Variants in EIF2D observed in about 807,000 individuals in gnomAD.
EIF2D encodes the protein eukaryotic translation initiation factor 2D, also known as hepatocellular carcinoma-associated antigen 56.
In EIF2D, 56 loss-of-function variants were observed where a neutral mutation model predicts 77.4. That is an observed-to-expected ratio of 0.72 (90% CI 0.58 to 0.90). The LOEUF (loss-of-function observed/expected upper bound fraction) is 0.90. EIF2D is among the 40% of genes least tolerant of loss of function. The pLI is 0.00. For synonymous variants in EIF2D, 230 were observed against 271.0 expected (o/e 0.85, Z 1.49); for missense variants, 574 against 706.5 (o/e 0.81, Z 2.13).
At position 206,605,562 on chromosome 1, in the gene EIF2D, A is replaced by G. The variant is rs554813749; in HGVS notation, c.423-55T>C. 6.2e-6 allele frequency: 9 copies of G among 1,449,854 alleles called. 1 individual carries two copies. In the Admixed American group the frequency reaches 1.1e-4, roughly 17 times the overall value. 89.8% of individuals were successfully genotyped at this position (1,449,854 alleles called of 1,614,324 possible). ...CATGGAAAATCTATGGGAAGGGCAC[A>G]TGTTAGGATCATCTTCTGACACATG... On this transcript the variant is annotated intron_variant, in intron 4 of 14. Coordinates refer to ENST00000271764, the MANE Select transcript of EIF2D (RefSeq NM_006893.3).
chr1:206,582,720 G>T (rs935551104), intron 2 of EIF2D, among the ~76,000 whole-genome samples: 1 of 152,196 alleles, frequency 6.6e-6, no homozygotes, highest in African/African-American at 2.4e-5. Flanking sequence ...GTGGGGCCTG[G>T]ACTGGTCTCT....
chr1:206,573,943 G>A (rs1160244494), intron 4 of EIF2D, among the ~76,000 whole-genome samples: 5 of 152,276 alleles, frequency 3.3e-5, no homozygotes, highest in East Asian at 1.9e-4. Flanking sequence ...GTGGCCCAGC[G>A]TGCAAGGCAG....
At position 206,584,442 on chromosome 1, in the gene EIF2D, C is replaced by T; in HGVS notation, c.139-3280G>A. ...AAAGTGCATCTGAAACTCCGGCGGCCTGTGACGGTGCCTGCTGGGATCCGG... is the reference window on the plus strand; with the variant it reads ...AAAGTGCATCTGAAACTCCGGCGGCTTGTGACGGTGCCTGCTGGGATCCGG... On this transcript the variant is annotated intron_variant and NMD_transcript_variant, in intron 2 of 5. Transcript: ENST00000472709. This position sits in a 1 kb window ranked among gnomAD's most constrained non-coding sequence, Gnocchi z 4.9. The T allele has an allele frequency of 7.4e-6, 12 of 1,614,164 alleles. No homozygotes were observed. The highest frequency in any genetic ancestry group is 1.0e-5 in the Non-Finnish European group (12 of 1,180,018).
rs532392952 is a variant in EIF2D, at chr1:206,592,821, G to A, written c.1684+798C>T. ...TTAGTAGAAAGAACTTAGGCTTTAG[G>A]CCAGGCATGGTGGCTCAAGCCTGTA... On this transcript the variant is annotated intron_variant, in intron 14 of 14. Coordinates refer to ENST00000271764, the MANE Select transcript of EIF2D (RefSeq NM_006893.3). The surrounding 1 kb of genome is among the most constrained non-coding windows in gnomAD (Gnocchi z 4.7). Among the ~76,000 whole-genome samples the A allele has an allele frequency of 6.6e-6, 1 of 152,304 alleles. No individual in the cohort carries two copies. The highest frequency in any genetic ancestry group is 2.4e-5 in the African/African-American group (1 of 41,568).
chr1:206,606,005 C>G (rs1220755787), intron 4 of EIF2D, among the ~76,000 whole-genome samples: 3 of 152,168 alleles, frequency 2.0e-5, no homozygotes, highest in Non-Finnish European at 2.9e-5. Context: ...TCTAAGTTGA[C>G]TTTATAAGAG....
At chr1:206,575,097 C>T (rs7512541) in intron 4 of EIF2D, among the ~76,000 whole-genome samples, 72,711 of 151,644 alleles carry the variant, frequency 0.48, 18,033 homozygotes, top group Middle Eastern at 0.64. Context: ...AACTCCTAAC[C>T]TCACCTTTGA....
chr1:206,611,578 G>A (rs1396478109), intron 1 of EIF2D, among the ~76,000 whole-genome samples: 6 of 152,064 alleles, frequency 3.9e-5, no homozygotes, highest in African/African-American at 1.4e-4. Flanking sequence ...TCATTCCTGG[G>A]GTATGCCTTC....
At position 206,593,490 on chromosome 1, in the gene EIF2D, A is replaced by AGC. The variant is rs1466235575; in HGVS notation, c.1684+128_1684+129insGC. 8.2e-5 allele frequency: 20 copies of AGC among 242,992 alleles called. No homozygotes were observed. The African/African-American group carries it at 9.0e-4, about 11-fold the overall frequency. 15.1% of individuals were successfully genotyped at this position (242,992 alleles called of 1,614,324 possible). A position where few individuals can be genotyped will look rare whatever the true frequency, so the allele number is the denominator to read the frequency against. On this transcript the variant is annotated intron_variant, in intron 14 of 14. Transcript: ENST00000271764. ...TGGAGAGAGAGAGAGAGAGAGAGCGAGAGAGAGAGAGAGAGAGAGTGTGTG... is the reference window on the plus strand; with the variant it reads ...TGGAGAGAGAGAGAGAGAGAGAGCGAGCGAGAGAGAGAGAGAGAGAGTGTGTG...
chr1:206,596,689 G>GTA (rs1669663497), intron 12 of EIF2D, among the ~76,000 whole-genome samples: 1 of 151,804 alleles, frequency 6.6e-6, no homozygotes, highest in Non-Finnish European at 1.5e-5. Flanking sequence ...CTTTAACAGA[G>GTA]TAAGTTCTTT....
intron 4 of EIF2D, among the ~76,000 whole-genome samples, chr1:206,578,267 T>C (rs1432404876): frequency 6.6e-6 from 1 of 151,262 alleles, no homozygotes; most frequent in Non-Finnish European, 1.5e-5. Context: ...TGTGTGTAAG[T>C]AGATGCTTAC....
intron 2 of EIF2D, chr1:206,583,397 C>A (rs1246064044): frequency 3.2e-6 from 5 of 1,543,598 alleles, no homozygotes; most frequent in Non-Finnish European, 3.6e-6. Flanking sequence ...CCCGTCCACC[C>A]TCAACCTGGC....
At chr1:206,587,153 C>T, downstream of EIF2D, 1 of 714,270 alleles carries the variant, frequency 1.4e-6, no homozygotes, top group South Asian at 1.6e-5. Flanking sequence ...GAGGGTTCAG[C>T]TGTGCCCGCC....
chr1:206,586,933 G>A (rs782230383), downstream of EIF2D: 2 of 1,614,186 alleles, frequency 1.2e-6, no homozygotes, highest in Non-Finnish European at 8.5e-7. Context: ...AGTTTAGGCA[G>A]AAACTGGAGG....
In EIF2D at chr1:206,602,855, A is replaced by G. The variant is rs184020374; in HGVS notation, c.784+96T>C. The G allele has an allele frequency of 8.2e-4, 1,238 of 1,508,538 alleles. 17 individuals carry two copies. In the South Asian group the frequency reaches 0.01, roughly 12 times the overall value. 93.4% of individuals were successfully genotyped at this position (1,508,538 alleles called of 1,614,324 possible). A position where few individuals can be genotyped will look rare whatever the true frequency, so the allele number is the denominator to read the frequency against. ...AAGGACCTTCCCCTCCTCCCCCGGA[A>G]GCTTAAGGGCCATTCTAGTCAGCAG... On this transcript the variant is annotated intron_variant, in intron 6 of 14. Coordinates refer to ENST00000271764, the MANE Select transcript of EIF2D (RefSeq NM_006893.3).
At position 206,603,118 on chromosome 1, in the gene EIF2D, T is replaced by C; in HGVS notation, c.617A>G (p.Gln206Arg). Residue 206 changes from glutamine to arginine, a missense_variant, in exon 6 of 15, where the codon CAG becomes CGG. Transcript: ENST00000271764. ...ADLSEEKGSV[Q>R]MDSTLQGDMR... is the part of the protein sequence containing the mutation. ...GTCTCCCTGCAGGGTGGAGTCCATC[T>C]GGACAGACCCCTTCTCTTCACTGAG... 1 of 1,614,176 alleles carries C rather than the reference T, an allele frequency of 6.2e-7. No individual in the cohort carries two copies. The highest frequency in any genetic ancestry group is 8.5e-7 in the Non-Finnish European group (1 of 1,180,028).
At chr1:206,602,208 C>T in intron 7 of EIF2D, 128 bp downstream of exon 7, 3 of 666,772 alleles carry the variant, frequency 4.5e-6, no homozygotes, top group Non-Finnish European at 7.9e-6. Context: ...TCAGATAAGC[C>T]TTCCCTCCAC....
At chr1:206,604,224 C>T (rs1455726100) in intron 5 of EIF2D, among the ~76,000 whole-genome samples, 2 of 152,030 alleles carry the variant, frequency 1.3e-5, no homozygotes, top group East Asian at 1.9e-4. Context: ...GGGCAGATCA[C>T]GTGAGGTTAG....
At chr1:206,571,834 A>G (rs548139783) in intron 5 of EIF2D, among the ~76,000 whole-genome samples, 2 of 152,324 alleles carry the variant, frequency 1.3e-5, no homozygotes, top group African/African-American at 4.8e-5. Flanking sequence ...CTGGAAATCC[A>G]AGGAGGAAAA....
In EIF2D at chr1:206,574,982, C is replaced by T. The variant is rs373029119; in HGVS notation, c.*255-2283G>A. On this transcript the variant is annotated intron_variant and NMD_transcript_variant, in intron 4 of 5. Coordinates refer to the EIF2D transcript ENST00000472709. ...TCAAGCGATTCTTCCGCCTTAGCCT[C>T]CCGAGTAGTTGGGATTACAGGCGCA... 2.6e-5 allele frequency among the ~76,000 whole-genome samples: 4 copies of T among 151,584 alleles called. No individual in the cohort carries two copies. In the East Asian group the frequency reaches 5.8e-4, roughly 22 times the overall value.
Sources: gnomAD v4.1 joint callset for allele counts (sites outside exome capture counted in the v4.1 genomes callset) on GRCh38, gnomAD v4.1.1 for gene constraint, Gnocchi (gnomAD v3.1) non-coding constraint, MANE v1.5 for transcripts, NCBI Gene and HGNC (gene_info 2026-07-23, HGNC 2026-07-21) for gene names.